The following CEP57 variants were observed in gnomAD, a reference collection of about 807,000 sequenced individuals.
CEP57 encodes centrosomal protein 57.
A neutral mutation model predicts 68.0 loss-of-function variants in CEP57; 40 were observed. The observed-to-expected ratio is 0.59, with a 90% CI of 0.46 to 0.77. CEP57 has a LOEUF of 0.77. CEP57 is among the 30% of genes least tolerant of loss of function. CEP57 has a pLI of 0.00. For synonymous variants in CEP57, 219 were observed against 198.7 expected, an observed-to-expected ratio of 1.10 and a Z score of -0.86; for missense variants, 606 against 580.7, an observed-to-expected ratio of 1.04 and a Z score of -0.45.
rs555735642 is a variant in CEP57 at position 95,808,672 on chromosome 11, C to T, written c.203-4260C>T. Among the ~76,000 whole-genome samples the T allele has an allele frequency of 2.2e-4, 34 of 152,210 alleles. No individual in the cohort carries two copies. The South Asian group carries it at 6.4e-3, about 29-fold the overall frequency. On this transcript the variant is annotated intron_variant, in intron 2 of 10. Coordinates refer to ENST00000325542, the MANE Select transcript of CEP57 (RefSeq NM_014679.5). The stretch of plus-strand genomic sequence containing the variant: ...AGAAGAGCTAACCTAAATATATATG[C>T]GCCCAATACAGGAGCACCCAGATTC...
chr11:95,820,980 G>GT (rs1284641999), intron 6 of CEP57, among the ~76,000 whole-genome samples: 3 of 152,202 alleles, frequency 2.0e-5, no homozygotes, highest in African/African-American at 7.2e-5. Context: ...CTTAGTATCT[G>GT]TTTTTATGGA....
chr11:95,820,763 T>C (rs967121823), intron 6 of CEP57, among the ~76,000 whole-genome samples: 5 of 152,168 alleles, frequency 3.3e-5, no homozygotes, highest in African/African-American at 1.2e-4. Context: ...TTGTATACTG[T>C]TTACACTCAT....
intron 9 of CEP57, among the ~76,000 whole-genome samples, chr11:95,828,958 C>T (rs1862873617): frequency 4.6e-5 from 7 of 150,976 alleles, no homozygotes; most frequent in South Asian, 2.1e-4. Context: ...AGGAGAATGG[C>T]GTGAACCCGG....
chr11:95,806,289 T>G (rs1861795696), intron 2 of CEP57, among the ~76,000 whole-genome samples: 1 of 152,186 alleles, frequency 6.6e-6, no homozygotes, highest in African/African-American at 2.4e-5. Flanking sequence ...ACAGCTCCAG[T>G]CTACAGCTCC....
Position 95,831,145 on chromosome 11 carries a change from T to C in CEP57, c.1392T>C (p.Asp464=), listed in dbSNP as rs2135384405. 6.2e-7 allele frequency: 1 copy of C among 1,613,452 alleles called. No homozygotes were observed. The highest frequency in any genetic ancestry group is 1.1e-5 in the South Asian group (1 of 90,996). Residue 464 remains aspartate (D), a synonymous_variant, in exon 11 of 11, where the codon GAT becomes GAC. Transcript: ENST00000325542. ...SGITGTTNKK[D]FMKLRPGEKR... ...TCACAGGGACCACAAATAAGAAAGA[T>C]TTTATGAAACTGAGACCTGGAGAAA... is the stretch of plus-strand genomic sequence containing the variant.
chr11:95,809,191 A>G lies in CEP57; in HGVS notation c.203-3741A>G, dbSNP rs549668610. 2.6e-5 allele frequency among the ~76,000 whole-genome samples: 4 copies of G among 152,346 alleles called. No individual in the cohort carries two copies. The East Asian group carries it at 5.8e-4, about 22-fold the overall frequency. Reference sequence around the variant, plus strand: ...CACAACATACCAGATTCTTTGGGACACATTCAAAGCAGTGTGTAGAGGGAA... The same window carrying G: ...CACAACATACCAGATTCTTTGGGACGCATTCAAAGCAGTGTGTAGAGGGAA... On this transcript the variant is annotated intron_variant, in intron 2 of 10. Coordinates refer to ENST00000325542, the MANE Select transcript of CEP57 (RefSeq NM_014679.5).
chr11:95,822,908 G>A, intron 8 of CEP57: 1 of 323,242 alleles, frequency 3.1e-6, no homozygotes, highest in Non-Finnish European at 6.0e-6. Flanking sequence ...TATCAATCCT[G>A]TTGAGTTACA....
chr11:95,822,868 A>G (rs1239673510), intron 8 of CEP57: 1 of 396,334 alleles, frequency 2.5e-6, no homozygotes, highest in Non-Finnish European at 4.8e-6. Context: ...GGAAATAAGA[A>G]ATAGTATGTT....
chr11:95,818,826 GA>G lies in CEP57; in HGVS notation c.628del (p.Met210CysfsTer29). On this transcript the variant is annotated frameshift_variant and splice_region_variant, in exon 6 of 11. Transcript: ENST00000325542. LOFTEE classifies it high-confidence loss of function. ...KLTTMQALAEKKMQELEAKLH... is the reference protein window; with the variant it reads ...KLTTMQALAEXKMQELEAKLH... ...ATCCCTTTTGACATTTTTATCACTA[GA>G]AAAAAATGCAAGAGTTGGAAGCAAA... The G allele has an allele frequency of 1.2e-6, 2 of 1,613,120 alleles. No individual in the cohort carries two copies. The highest frequency in any genetic ancestry group is 1.7e-6 in the Non-Finnish European group (2 of 1,179,380).
At position 95,831,380 on chromosome 11, in the gene CEP57, C is replaced by T. The variant is rs878984846; in HGVS notation, c.*124C>T. 5 of 722,906 alleles carry T rather than the reference C, an allele frequency of 6.9e-6. No individual in the cohort carries two copies. In the South Asian group the frequency reaches 8.3e-5, roughly 12 times the overall value. The allele number at this position is 722,906 out of a possible 1,614,324, so 44.8% of individuals were successfully genotyped here. A position where few individuals can be genotyped will look rare whatever the true frequency, so the allele number is the denominator to read the frequency against. On this transcript the variant is annotated 3_prime_UTR_variant, in exon 11 of 11. Transcript: ENST00000325542. ...TTAATTAATAGCAGGTGTTAAAGGA[C>T]CCAGGCTTCATTACACAGGCTTTTC... is the stretch of plus-strand genomic sequence containing the variant.
intron 1 of CEP57, among the ~76,000 whole-genome samples, chr11:95,795,855 ACT>A (rs1468691024): frequency 6.6e-6 from 1 of 152,046 alleles, no homozygotes; most frequent in Non-Finnish European, 1.5e-5. Context: ...GTGTACACAA[ACT>A]CTTTTTTTCA....
At position 95,827,916 on chromosome 11, in the gene CEP57, G is replaced by C. The variant is rs147322386; in HGVS notation, c.1016G>C (p.Arg339Pro). The C allele has an allele frequency of 1.2e-6, 2 of 1,614,108 alleles. No homozygotes were observed. The highest frequency in any genetic ancestry group is 1.7e-6 in the Non-Finnish European group (2 of 1,180,014). The stretch of plus-strand genomic sequence containing the variant: ...CCTTTGGCAAAGCAAGTATCTTCAC[G>C]AGGTGGTAAAAGTAAGAAGTTGTCA... ...SIPLAKQVSS[R>P]GGKSKKLSVT... The change falls in exon 9 of 11, where the codon CGA becomes CCA. Residue 339 changes from arginine (R) to proline (P), a missense_variant. Arg to Pro is a moderately radical substitution (Grantham distance 103). Coordinates refer to ENST00000325542, the MANE Select transcript of CEP57 (RefSeq NM_014679.5).
intron 2 of CEP57, among the ~76,000 whole-genome samples, chr11:95,802,763 A>G (rs1435635698): frequency 6.6e-6 from 1 of 152,218 alleles, no homozygotes; most frequent in Non-Finnish European, 1.5e-5. Context: ...CTTACTATTA[A>G]TAGTATTATG....
intron 6 of CEP57, among the ~76,000 whole-genome samples, chr11:95,819,576 C>T (rs879735500): frequency 3.5e-4 from 54 of 152,296 alleles, no homozygotes; most frequent in Admixed American, 3.3e-3. Context: ...AAGACACTCT[C>T]GTTATGAGCG....
intron 10 of CEP57, 114 bp from the exon 11 acceptor site, chr11:95,830,912 T>TG: frequency 4.5e-6 from 3 of 670,762 alleles, no homozygotes; most frequent in Non-Finnish European, 7.7e-6. Context: ...TGTATTATTT[T>TG]TCAGTTAGCA....
intron 4 of CEP57, among the ~76,000 whole-genome samples, chr11:95,816,405 A>G (rs1192926698): frequency 2.0e-5 from 3 of 152,236 alleles, no homozygotes; most frequent in African/African-American, 7.2e-5. Context: ...GAGGTAGACC[A>G]CATCAATAAT....
At chr11:95,820,068 T>C (rs1486678244) in intron 6 of CEP57, among the ~76,000 whole-genome samples, 2 of 152,354 alleles carry the variant, frequency 1.3e-5, no homozygotes, top group East Asian at 3.8e-4. Flanking sequence ...TGCTTTATTA[T>C]ATGCATTGTG....
chr11:95,813,555 C>G lies in CEP57; in HGVS notation c.470C>G (p.Ala157Gly). The G allele has an allele frequency of 6.2e-7, 1 of 1,613,006 alleles. No individual in the cohort carries two copies. ...LEYMRNMIKH[A>G]EMERTSVLEK... is the part of the protein sequence containing the mutation. ...TACATGCGAAATATGATAAAGCATG[C>G]CGAAATGGAGAGGACATCTGTCTTA... is the stretch of plus-strand genomic sequence containing the variant. The change falls in exon 4 of 11, where the codon GCC (alanine) becomes GGC (glycine). Residue 157 changes from alanine to glycine, a missense_variant. Coordinates refer to ENST00000325542, the MANE Select transcript of CEP57 (RefSeq NM_014679.5).
At chr11:95,816,124 T>C (rs1210808594) in intron 4 of CEP57, among the ~76,000 whole-genome samples, 1 of 152,206 alleles carries the variant, frequency 6.6e-6, no homozygotes, top group African/African-American at 2.4e-5. Context: ...CAGTTCTGTA[T>C]GTCTGTTGGG....
Sources: allele counts gnomAD v4.1 joint callset (sites outside exome capture counted in the v4.1 genomes callset), GRCh38; gene constraint gnomAD v4.1.1; transcripts MANE v1.5; gene names NCBI Gene and HGNC (gene_info 2026-07-23, HGNC 2026-07-21).